Variants in ZFYVE16 observed in about 807,000 individuals in gnomAD.
ZFYVE16 encodes the protein zinc finger FYVE-type containing 16, also known as zinc finger FYVE domain-containing protein 16.
Under a neutral mutation model 138.1 loss-of-function variants are expected in ZFYVE16, and 89 were observed. That is an observed-to-expected ratio of 0.64 (90% CI 0.54 to 0.77). The LOEUF (loss-of-function observed/expected upper bound fraction) is 0.77, where lower values mean the gene tolerates loss of function less well. Ranked by LOEUF, ZFYVE16 falls within the 30% of genes least tolerant of loss-of-function variation. The pLI, the probability that ZFYVE16 is intolerant of heterozygous loss-of-function variation, is 0.00. For missense variants in ZFYVE16, 1,793 were observed against 1,786.7 expected, an observed-to-expected ratio of 1.00 and a Z score of -0.06; for synonymous variants, 596 against 618.3, an observed-to-expected ratio of 0.96 and a Z score of 0.53.
At chr5:80,476,295 T>A (rs1754902857) in intron 18 of ZFYVE16, among the ~76,000 whole-genome samples, 1 of 152,120 alleles carries the variant, frequency 6.6e-6, no homozygotes, top group African/African-American at 2.4e-5. Flanking sequence ...GACAATTTGA[T>A]AGGTGAAAAA....
At chr5:80,467,080 T>C (rs943916948) in intron 15 of ZFYVE16, among the ~76,000 whole-genome samples, 2 of 152,208 alleles carry the variant, frequency 1.3e-5, no homozygotes, top group Non-Finnish European at 2.9e-5. Flanking sequence ...CTTACAAGGC[T>C]GTTTTACTTT....
At chr5:80,439,734 T>C (rs932285798) in intron 4 of ZFYVE16, among the ~76,000 whole-genome samples, 2 of 152,148 alleles carry the variant, frequency 1.3e-5, no homozygotes, top group Admixed American at 6.6e-5. Context: ...ATCAGAAATA[T>C]GGTATCAAAT....
At position 80,477,323 on chromosome 5, in the gene ZFYVE16, T is replaced by C. The variant is rs1246604680; in HGVS notation, c.4566T>C (p.Ser1522=). 1 of 1,609,898 alleles carries C rather than the reference T, an allele frequency of 6.2e-7. No individual in the cohort carries two copies. Residue 1522 remains serine (S), a synonymous_variant, in exon 19 of 19, where the codon TCT becomes TCC. Transcript: ENST00000505560. ...IPVIHGGTSN[S]SLPLEIELVF... Reference sequence around the variant, plus strand: ...TGATCCATGGTGGGACCTCCAACTCTAGTTTACCATTAGAAATAGAATTAG... The same window carrying C: ...TGATCCATGGTGGGACCTCCAACTCCAGTTTACCATTAGAAATAGAATTAG...
At position 80,480,672 on chromosome 5, in the gene ZFYVE16, C is replaced by G. The variant is rs567162913; in HGVS notation, c.*3295C>G. On this transcript the variant is annotated 3_prime_UTR_variant, in exon 19 of 19. Transcript: ENST00000505560. ...AGGTGCAGTGGCTCACACCTGTAATCGAGCACTTTGGGAGGCCAAGGCAGG... is the reference window on the plus strand; with the variant it reads ...AGGTGCAGTGGCTCACACCTGTAATGGAGCACTTTGGGAGGCCAAGGCAGG... Among the ~76,000 whole-genome samples the G allele has an allele frequency of 6.6e-6, 1 of 152,062 alleles. No homozygotes were observed. Among genetic ancestry groups the G allele is most frequent in the African/African-American group, 2.4e-5 (1 of 41,392 alleles).
chr5:80,439,741 A>T (rs1750448409), intron 4 of ZFYVE16, among the ~76,000 whole-genome samples, 195 bp from the exon 5 acceptor site: 1 of 152,186 alleles, frequency 6.6e-6, no homozygotes, highest in African/African-American at 2.4e-5. Flanking sequence ...ATATGGTATC[A>T]AATTGCAGAA....
intron 11 of ZFYVE16, among the ~76,000 whole-genome samples, chr5:80,453,598 G>A (rs1752209288): frequency 1.3e-5 from 2 of 152,136 alleles, no homozygotes; most frequent in Admixed American, 6.5e-5. Context: ...GTTATACATA[G>A]AAGTTAATTC....
Position 80,482,434 on chromosome 5 carries a change from A to G in ZFYVE16, c.*5057A>G, listed in dbSNP as rs1755305578. 1 of 152,222 alleles carries G rather than the reference A, an allele frequency of 6.6e-6. No homozygotes were observed. The highest frequency in any genetic ancestry group is 2.4e-5 in the African/African-American group (1 of 41,464). The allele number at this position is 152,222 out of a possible 1,614,324, so 9.4% of individuals were successfully genotyped here. ...GGGGATCTGTGGGACAATATGAAAC[A>G]GTCTAATATTCATGTCTTAGGAGCC... On this transcript the variant is annotated 3_prime_UTR_variant, in exon 19 of 19. Coordinates refer to ENST00000505560, the MANE Select transcript of ZFYVE16 (RefSeq NM_001284236.3).
intron 1 of ZFYVE16, among the ~76,000 whole-genome samples, chr5:80,421,116 A>G (rs1747096647): frequency 6.6e-6 from 1 of 152,178 alleles, no homozygotes; most frequent in Non-Finnish European, 1.5e-5. Flanking sequence ...GTCTATTCAT[A>G]TCCTTCGCCC....
Position 80,477,424 on chromosome 5 carries a change from T to G in ZFYVE16, c.*47T>G. 3 of 1,552,364 alleles carry G rather than the reference T, an allele frequency of 1.9e-6. No homozygotes were observed. Among genetic ancestry groups the G allele is most frequent in the Non-Finnish European group, 2.6e-6 (3 of 1,150,596 alleles). ...ATATTGCAACCTAATTTGTTAAAAC[T>G]AACTCCAGCACTAAAGCTGAAATGC... On this transcript the variant is annotated 3_prime_UTR_variant, in exon 19 of 19. Transcript: ENST00000505560.
chr5:80,478,239 T>TGAC lies in ZFYVE16; in HGVS notation c.*863_*865dup, dbSNP rs947712370. 1 of 152,100 alleles carries TGAC rather than the reference T, an allele frequency of 6.6e-6. No individual in the cohort carries two copies. Among genetic ancestry groups the TGAC allele is most frequent in the Non-Finnish European group, 1.5e-5 (1 of 67,958 alleles). The allele number at this position is 152,100 out of a possible 1,614,324, so 9.4% of individuals were successfully genotyped here. A position where few individuals can be genotyped will look rare whatever the true frequency, so the allele number is the denominator to read the frequency against. On this transcript the variant is annotated 3_prime_UTR_variant, in exon 19 of 19. Transcript: ENST00000505560. Reference sequence around the variant, plus strand: ...TAAGAGTGACTGACGACGGGCCAGATGACCCTTGAAGTAGTCATTATGTAG... The same window carrying TGAC: ...TAAGAGTGACTGACGACGGGCCAGATGACGACCCTTGAAGTAGTCATTATGTAG...
intron 5 of ZFYVE16, among the ~76,000 whole-genome samples, chr5:80,442,346 G>A (rs1255251794): frequency 6.6e-6 from 1 of 152,156 alleles, no homozygotes; most frequent in Non-Finnish European, 1.5e-5. Flanking sequence ...GAGCTTAAAC[G>A]ATCTGCCTGC....
intron 1 of ZFYVE16, among the ~76,000 whole-genome samples, chr5:80,425,748 T>C (rs1747890499): frequency 6.6e-6 from 1 of 152,192 alleles, no homozygotes; most frequent in South Asian, 2.1e-4. Context: ...GCAGTTTTTT[T>C]TAGGCAGTAA....
rs1157068803 is a variant in ZFYVE16, at chr5:80,455,752, A to T, written c.3668A>T (p.His1223Leu). The T allele has an allele frequency of 6.3e-7, 1 of 1,591,116 alleles. No homozygotes were observed. The highest frequency in any genetic ancestry group is 1.9e-5 in the Admixed American group (1 of 52,426). Residue 1223 changes from histidine (H) to leucine (L), a missense_variant, in exon 12 of 19, where the codon CAC becomes CTC. Physicochemically the swap from His to Leu is moderately conservative, Grantham distance 99. This residue lies in a region of ZFYVE16 where 498 missense variants were observed against 582.4 expected (regional missense o/e 0.86). Transcript: ENST00000505560. ...AAACCTCTTTTTGGAGAAATAGGAC[A>T]CACTATTATGAACTTACTTGTTGTG... The part of the protein sequence containing the change: ...GRKPLFGEIG[H>L]TIMNLLVDLR...
At position 80,448,414 on chromosome 5, in the gene ZFYVE16, C is replaced by T. The variant is rs761498685; in HGVS notation, c.3103+10C>T. The T allele has an allele frequency of 5.4e-6, 8 of 1,468,158 alleles. No individual in the cohort carries two copies. The highest frequency in any genetic ancestry group is 7.2e-6 in the Non-Finnish European group (8 of 1,115,470). The allele number at this position is 1,468,158 out of a possible 1,614,324, so 90.9% of individuals were successfully genotyped here. The stretch of plus-strand genomic sequence containing the variant: ...GGAGAAAAGGGATCAGGTAGGGAAG[C>T]AGTTATTTAAATTTAAAAAGATTTA... On this transcript the variant is annotated intron_variant, in intron 8 of 18. Transcript: ENST00000505560.
rs1375903913 is a variant in ZFYVE16, at chr5:80,438,540, G to T, written c.1855G>T (p.Val619Phe). 62 of 1,613,880 alleles carry T rather than the reference G, an allele frequency of 3.8e-5. No homozygotes were observed. The highest frequency in any genetic ancestry group is 5.1e-5 in the Non-Finnish European group (60 of 1,179,988). ...LSLGEKSTIPVQQGLPTSKSE... is the reference protein window; with the variant it reads ...LSLGEKSTIPFQQGLPTSKSE... ...TTTAGGAGAAAAAAGCACTATTCCA[G>T]TTCAACAAGGGTTACCTACCAGTAA... Residue 619 changes from valine to phenylalanine, a missense_variant, in exon 4 of 19, where the codon GTT becomes TTT. Physicochemically the swap from Val to Phe is conservative, Grantham distance 50. Around this residue, in one of 2 missense-constraint regions of ZFYVE16, gnomAD observed 1,295 missense variants for 1,204.3 expected, o/e 1.08. Transcript: ENST00000505560.
intron 1 of ZFYVE16, among the ~76,000 whole-genome samples, chr5:80,418,782 C>T (rs529783951): frequency 4.6e-5 from 7 of 152,234 alleles, no homozygotes; most frequent in South Asian, 2.1e-4. Flanking sequence ...ATCAAACTTA[C>T]CATTTTTTCT....
At chr5:80,441,485 TA>T in intron 5 of ZFYVE16, 1 of 985,268 alleles carries the variant, frequency 1.0e-6, no homozygotes, top group Non-Finnish European at 1.2e-6. Flanking sequence ...CAGGAGAGCA[TA>T]AATAAAAGTT....
Position 80,481,607 on chromosome 5 carries a change from G to C in ZFYVE16, c.*4230G>C, listed in dbSNP as rs1219422313. ...TGAAACTTAACTGAATTGATGGTCT[G>C]CTAAAACAAAACAAAACAAAAACAT... On this transcript the variant is annotated 3_prime_UTR_variant, in exon 19 of 19. Coordinates refer to ENST00000505560, the MANE Select transcript of ZFYVE16 (RefSeq NM_001284236.3). Among the ~76,000 whole-genome samples the C allele has an allele frequency of 6.6e-6, 1 of 152,152 alleles. No homozygotes were observed. Among genetic ancestry groups the C allele is most frequent in the Non-Finnish European group, 1.5e-5 (1 of 68,040 alleles).
At chr5:80,428,281 C>CA (rs1221156411) in intron 2 of ZFYVE16, among the ~76,000 whole-genome samples, 5 of 152,150 alleles carry the variant, frequency 3.3e-5, no homozygotes, top group Admixed American at 3.3e-4. Context: ...GATGAGGCAG[C>CA]AACATTTGCT....
Sources: allele counts gnomAD v4.1 joint callset (sites outside exome capture counted in the v4.1 genomes callset), GRCh38; gene constraint gnomAD v4.1.1; regional missense constraint gnomAD v4.1.1; transcripts MANE v1.5; gene names NCBI Gene and HGNC (gene_info 2026-07-23, HGNC 2026-07-21).